SYT14: variants seen among roughly 807,000 people sequenced by gnomAD.
The protein encoded by SYT14 is synaptotagmin 14.
Under a neutral mutation model 74.2 loss-of-function variants are expected in SYT14, and 32 were observed. The ratio of observed to expected loss-of-function variants is 0.43; its 90% CI spans 0.33 to 0.58. SYT14 has a LOEUF of 0.58. SYT14 is among the 20% of genes least tolerant of loss of function. The pLI is 0.05. For missense variants in SYT14, 791 were observed against 981.8 expected (o/e 0.81, Z 2.60); for synonymous variants, 298 against 337.7 (o/e 0.88, Z 1.29).
intron 7 of SYT14, among the ~76,000 whole-genome samples, chr1:210,111,282 G>C (rs1008671221): frequency 1.3e-5 from 2 of 152,082 alleles, no homozygotes; most frequent in East Asian, 3.9e-4. Flanking sequence ...TGGTGGGCAG[G>C]GGTGGGTGTC....
intron 7 of SYT14, among the ~76,000 whole-genome samples, chr1:210,124,871 GTT>G (rs112721112): frequency 6.8e-6 from 1 of 146,062 alleles, no homozygotes; most frequent in Admixed American, 6.8e-5. Context: ...TTTTTGTGTG[GTT>G]TTTTTTTTTC....
chr1:209,954,351 G>A lies in SYT14; in HGVS notation c.-486+1595G>A, dbSNP rs142034193. ...TTTATTGCTGTCTCTATTCCTATCCGGGTAGTTCTCAAAGTATGCTTTGCC... is the reference window on the plus strand; with the variant it reads ...TTTATTGCTGTCTCTATTCCTATCCAGGTAGTTCTCAAAGTATGCTTTGCC... On this transcript the variant is annotated intron_variant, in intron 2 of 9. Transcript: ENST00000637265. 4.4e-3 allele frequency among the ~76,000 whole-genome samples: 670 copies of A among 151,620 alleles called. 2 individuals are homozygous for A. The highest frequency in any genetic ancestry group is 0.015 in the African/African-American group (614 of 41,314).
chr1:210,030,266 C>T (rs879390550), intron 5 of SYT14, among the ~76,000 whole-genome samples: 18 of 151,998 alleles, frequency 1.2e-4, no homozygotes, highest in African/African-American at 3.9e-4. Flanking sequence ...CTCAGCCTCC[C>T]GAGTAGCTGG....
At chr1:210,013,784 A>C (rs1238479085) in exon 3 of SYT14, 1 of 1,611,726 alleles carries the variant, frequency 6.2e-7, no homozygotes, top group African/African-American at 1.3e-5. Flanking sequence ...GGAAGAATTC[A>C]CAAGATAAAA....
intron 2 of SYT14, among the ~76,000 whole-genome samples, chr1:209,993,425 T>G (rs2079729371): frequency 6.6e-6 from 1 of 152,218 alleles, no homozygotes; most frequent in South Asian, 2.1e-4. Context: ...AGCTGGAACC[T>G]GACCCCAAGC....
At chr1:210,133,377 T>C (rs1322948721) in intron 7 of SYT14, among the ~76,000 whole-genome samples, 4 of 152,220 alleles carry the variant, frequency 2.6e-5, no homozygotes, top group African/African-American at 7.2e-5. Context: ...CTATTATCAC[T>C]GGAGAAGTCC....
At chr1:210,029,172 T>C (rs1055639284) in intron 5 of SYT14, among the ~76,000 whole-genome samples, 2 of 152,202 alleles carry the variant, frequency 1.3e-5, no homozygotes, top group African/African-American at 4.8e-5. Context: ...TGGATATTAA[T>C]CTCTTATCAG....
chr1:210,061,046 A>G (rs148170157), intron 5 of SYT14, among the ~76,000 whole-genome samples: 166 of 152,132 alleles, frequency 1.1e-3, no homozygotes, highest in African/African-American at 3.8e-3. Flanking sequence ...TCTTCACTGA[A>G]AGGACTTCCA....
intron 1 of SYT14, 34 bp downstream of exon 1, chr1:209,938,311 G>C: frequency 6.5e-7 from 1 of 1,543,370 alleles, no homozygotes; most frequent in South Asian, 1.2e-5. Context: ...AGCGAGGACC[G>C]GGACCACCCA....
chr1:209,955,499 T>C (rs78764350), intron 2 of SYT14, among the ~76,000 whole-genome samples: 10 of 152,212 alleles, frequency 6.6e-5, no homozygotes, highest in Non-Finnish European at 7.3e-5. Flanking sequence ...CTCTTTTTTT[T>C]CATCCTGCTG....
At chr1:210,043,932 C>T (rs141206791) in intron 5 of SYT14, among the ~76,000 whole-genome samples, 1 of 152,036 alleles carries the variant, frequency 6.6e-6, no homozygotes, top group Non-Finnish European at 1.5e-5. Flanking sequence ...TAGGATAATA[C>T]CGAGAATTTC....
intron 3 of SYT14, 137 bp downstream of exon 3, chr1:210,013,934 T>C (rs901654927): frequency 2.6e-5 from 22 of 839,600 alleles, no homozygotes; most frequent in Non-Finnish European, 3.7e-5. Flanking sequence ...GTAAAAGATC[T>C]GTTAAGTAAA....
At chr1:210,018,174 G>A (rs1449053423) in intron 4 of SYT14, among the ~76,000 whole-genome samples, 1 of 152,072 alleles carries the variant, frequency 6.6e-6, no homozygotes, top group Admixed American at 6.5e-5. Flanking sequence ...TTGCGCTGTC[G>A]CCAGGCTGGA....
rs534969389 is a variant in SYT14 at position 210,018,355 on chromosome 1, G to A, written c.1096+1256G>A. Among the ~76,000 whole-genome samples, 52 of 151,994 alleles carry A rather than the reference G, an allele frequency of 3.4e-4. No homozygotes were observed. In the Middle Eastern group the frequency reaches 0.01, roughly 30 times the overall value. ...CATCATGTTGGCCCGGGATGGTCTCGGTCTCCTGACCTCGTGATCCACCCG... is the reference window on the plus strand; with the variant it reads ...CATCATGTTGGCCCGGGATGGTCTCAGTCTCCTGACCTCGTGATCCACCCG... On this transcript the variant is annotated intron_variant, in intron 4 of 9. Transcript: ENST00000637265.
intron 7 of SYT14, among the ~76,000 whole-genome samples, chr1:210,123,745 C>T (rs975423618): frequency 2.6e-5 from 4 of 151,948 alleles, no homozygotes; most frequent in Non-Finnish European, 4.4e-5. Context: ...TATAAACAGG[C>T]AATCATGGCT....
intron 1 of SYT14, among the ~76,000 whole-genome samples, chr1:209,943,193 C>T (rs2078764921): frequency 6.6e-6 from 1 of 152,126 alleles, no homozygotes; most frequent in African/African-American, 2.4e-5. Flanking sequence ...ACTTAGCGAA[C>T]ATTAGAGACA....
At chr1:209,968,399 A>T (rs111541093) in intron 2 of SYT14, among the ~76,000 whole-genome samples, 59 of 151,910 alleles carry the variant, frequency 3.9e-4, no homozygotes, top group African/African-American at 1.3e-3. Flanking sequence ...AGTACTCCAT[A>T]TGGAGTAGTA....
At position 210,063,570 on chromosome 1, in the gene SYT14, T is replaced by C. The variant is rs80334014; in HGVS notation, c.1313-30752T>C. Among the ~76,000 whole-genome samples, 446 of 151,994 alleles carry C rather than the reference T, an allele frequency of 2.9e-3. 2 individuals are homozygous for C. Among genetic ancestry groups the C allele is most frequent in the African/African-American group, 9.9e-3 (411 of 41,546 alleles). ...ACATTGAGTTTATGTTGAGTGTTTC[T>C]TGATTACTTTTAATGCAGATTTTAA... On this transcript the variant is annotated intron_variant, in intron 5 of 9. Coordinates refer to ENST00000637265, the Ensembl canonical transcript of SYT14.
chr1:210,103,446 A>G (rs985145373), intron 7 of SYT14, among the ~76,000 whole-genome samples: 3 of 148,096 alleles, frequency 2.0e-5, no homozygotes, highest in Non-Finnish European at 3.0e-5. Context: ...GCTACTCGGG[A>G]GGCTGAGACA....
Sources: gnomAD v4.1 joint callset for allele counts (sites outside exome capture counted in the v4.1 genomes callset) on GRCh38, gnomAD v4.1.1 for gene constraint, MANE v1.5 for transcripts, NCBI Gene and HGNC (gene_info 2026-07-23, HGNC 2026-07-21) for gene names.